Variants in NAALADL2 observed in about 807,000 individuals in gnomAD.
NAALADL2 encodes N-acetylated alpha-linked acidic dipeptidase like 2.
Under a neutral mutation model 87.2 loss-of-function variants are expected in NAALADL2, and 76 were observed. The ratio of observed to expected loss-of-function variants is 0.87; its 90% CI spans 0.72 to 1.05. The LOEUF is 1.05. Ranked by LOEUF, NAALADL2 falls within the 50% of genes least tolerant of loss-of-function variation. The pLI, the probability that NAALADL2 is intolerant of heterozygous loss-of-function variation, is 0.00. For synonymous variants in NAALADL2, 354 were observed against 331.0 expected (o/e 1.07, Z -0.75); for missense variants, 1,089 against 945.8 (o/e 1.15, Z -1.99).
intron 13 of NAALADL2, among the ~76,000 whole-genome samples, chr3:175,775,949 G>A (rs1211946490): frequency 2.0e-5 from 3 of 152,084 alleles, no homozygotes; most frequent in Non-Finnish European, 4.4e-5. Context: ...GGAGCTTTCT[G>A]TCTTTTTTCA....
chr3:175,176,391 C>G (rs1359333686), intron 2 of NAALADL2, among the ~76,000 whole-genome samples: 1 of 152,048 alleles, frequency 6.6e-6, no homozygotes, highest in East Asian at 1.9e-4. Flanking sequence ...ATATTTTAGG[C>G]CCTAGCCCTT....
intron 5 of NAALADL2, among the ~76,000 whole-genome samples, chr3:175,398,105 T>A (rs991257667): frequency 4.6e-5 from 7 of 152,122 alleles, no homozygotes; most frequent in African/African-American, 1.7e-4. Flanking sequence ...AAGTTTCTGT[T>A]CATTTGGAGT....
intron 2 of NAALADL2, among the ~76,000 whole-genome samples, chr3:175,215,750 C>A (rs968720436): frequency 6.6e-6 from 1 of 152,124 alleles, no homozygotes; most frequent in African/African-American, 2.4e-5. Context: ...ACAGGCCAGT[C>A]GGCACTCATT....
At chr3:175,157,719 C>T (rs1213353434) in intron 2 of NAALADL2, among the ~76,000 whole-genome samples, 1 of 151,978 alleles carries the variant, frequency 6.6e-6, no homozygotes, top group African/African-American at 2.4e-5. Context: ...TGGGATTTCC[C>T]AGTTGATTGT....
At chr3:174,441,514 C>T (rs550185300) in intron 1 of NAALADL2, among the ~76,000 whole-genome samples, 4 of 152,058 alleles carry the variant, frequency 2.6e-5, no homozygotes, top group Non-Finnish European at 5.9e-5. Flanking sequence ...AAATGGCGCG[C>T]AGCACAGTTC....
At chr3:175,541,582 A>C (rs1264307836) in intron 9 of NAALADL2, among the ~76,000 whole-genome samples, 2 of 152,232 alleles carry the variant, frequency 1.3e-5, no homozygotes, top group African/African-American at 2.4e-5. Context: ...TCACACCATC[A>C]TAAAGTTGAA....
At chr3:174,702,349 A>G (rs973678105) in intron 2 of NAALADL2, among the ~76,000 whole-genome samples, 1 of 152,064 alleles carries the variant, frequency 6.6e-6, no homozygotes, top group Admixed American at 6.6e-5. Flanking sequence ...TCTTAGCATC[A>G]TTTATTTATT....
intron 1 of NAALADL2, among the ~76,000 whole-genome samples, chr3:175,003,727 G>T (rs182705120): frequency 6.6e-6 from 1 of 152,328 alleles, no homozygotes; most frequent in East Asian, 1.9e-4. Flanking sequence ...TCACCGATCA[G>T]TAGTGAAATA....
At chr3:175,116,545 C>A (rs1725206388) in intron 2 of NAALADL2, among the ~76,000 whole-genome samples, 1 of 151,988 alleles carries the variant, frequency 6.6e-6, no homozygotes, top group Non-Finnish European at 1.5e-5. Flanking sequence ...AGGACCTCTT[C>A]AAGGAGCACT....
intron 11 of NAALADL2, among the ~76,000 whole-genome samples, chr3:175,717,707 A>G (rs1741515893): frequency 6.6e-6 from 1 of 151,702 alleles, no homozygotes; most frequent in African/African-American, 2.4e-5. Flanking sequence ...AAAAAAAGAA[A>G]AGAGAAAAAA....
chr3:174,657,314 G>A (rs1475967472), intron 2 of NAALADL2, among the ~76,000 whole-genome samples: 1 of 151,914 alleles, frequency 6.6e-6, no homozygotes, highest in African/African-American at 2.4e-5. Context: ...CTGCCACTAT[G>A]CCCAGCTAAT....
intron 2 of NAALADL2, among the ~76,000 whole-genome samples, chr3:175,163,925 T>A (rs779924782): frequency 6.6e-6 from 1 of 152,186 alleles, no homozygotes; most frequent in Admixed American, 6.6e-5. Flanking sequence ...TTGTCAATGA[T>A]GCAGAAATTT....
At chr3:174,994,339 G>A (rs1185774377) in intron 1 of NAALADL2, among the ~76,000 whole-genome samples, 1 of 152,106 alleles carries the variant, frequency 6.6e-6, no homozygotes, top group Non-Finnish European at 1.5e-5. Context: ...AAAATGTCCT[G>A]GGCATAAAAC....
intron 3 of NAALADL2, among the ~76,000 whole-genome samples, chr3:174,768,048 A>C (rs540852): frequency 0.53 from 80,357 of 151,702 alleles, 21,610 homozygotes; most frequent in Middle Eastern, 0.64. Context: ...GGTTAAATAA[A>C]CGTACTAGGA....
chr3:174,874,397 G>T (rs986285407), intron 1 of NAALADL2, among the ~76,000 whole-genome samples: 6 of 152,158 alleles, frequency 3.9e-5, no homozygotes, highest in Admixed American at 6.5e-5. Flanking sequence ...CAATAAGGCA[G>T]CATGGGGATT....
At chr3:175,759,078 A>C (rs1044726535) in intron 13 of NAALADL2, among the ~76,000 whole-genome samples, 2 of 152,180 alleles carry the variant, frequency 1.3e-5, no homozygotes, top group Admixed American at 6.5e-5. Context: ...CTGGAAACAG[A>C]GGATTCAAAA....
At chr3:174,451,776 C>A (rs188457539) in intron 1 of NAALADL2, among the ~76,000 whole-genome samples, 2 of 146,680 alleles carry the variant, frequency 1.4e-5, no homozygotes, top group Admixed American at 6.8e-5. Context: ...TTCACTTTGA[C>A]ATAAAGACAA....
intron 3 of NAALADL2, among the ~76,000 whole-genome samples, chr3:174,755,994 A>G (rs1013588821): frequency 6.6e-6 from 1 of 152,196 alleles, no homozygotes; most frequent in South Asian, 2.1e-4. Context: ...TAATAATTCC[A>G]TATCAGGCAA....
intron 4 of NAALADL2, among the ~76,000 whole-genome samples, chr3:175,301,790 T>C (rs1757118017): frequency 2.0e-5 from 3 of 152,230 alleles, no homozygotes. Context: ...TGGATATTCA[T>C]TGTGGATTAC....
Sources: gnomAD v4.1 joint callset for allele counts (sites outside exome capture counted in the v4.1 genomes callset) on GRCh38, gnomAD v4.1.1 for gene constraint, MANE v1.5 for transcripts, NCBI Gene and HGNC (gene_info 2026-07-23, HGNC 2026-07-21) for gene names.